Variants in ZBTB46 observed in about 807,000 individuals in gnomAD.
ZBTB46 encodes the protein zinc finger and BTB domain-containing protein 46.
In ZBTB46, 8 loss-of-function variants were observed where a neutral mutation model predicts 44.1. The ratio of observed to expected loss-of-function variants is 0.18; its 90% CI spans 0.11 to 0.33. The LOEUF (loss-of-function observed/expected upper bound fraction) is 0.33. Among genes scored for constraint, ZBTB46 ranks in the 10% least tolerant of loss-of-function variants. The probability of loss-of-function intolerance (pLI) is 1.00; values close to 1 mark genes in which losing one functional copy is unlikely to be tolerated. For synonymous variants in ZBTB46, 409 were observed against 382.3 expected, an observed-to-expected ratio of 1.07 and a Z score of -0.81; for missense variants, 651 against 847.7, an observed-to-expected ratio of 0.77 and a Z score of 2.88.
rs2092334898 is a variant in ZBTB46, at chr20:63,767,980, G to A, written c.1222+7698C>T. 4 of 985,440 alleles carry A rather than the reference G, an allele frequency of 4.1e-6. No homozygotes were observed. The highest frequency in any genetic ancestry group is 4.8e-6 in the Non-Finnish European group (4 of 829,940). 61.0% of individuals were successfully genotyped at this position (985,440 alleles called of 1,614,324 possible). ...AGCTCTCCACGCCATGAGAGGTGTC[G>A]ATCTGGAACCAGAGACAGACAAGTT... is the stretch of plus-strand genomic sequence containing the variant. On this transcript the variant is annotated intron_variant, in intron 3 of 4. Transcript: ENST00000245663. This position sits in a 1 kb window ranked among gnomAD's most constrained non-coding sequence, Gnocchi z 5.0.
In ZBTB46 at chr20:63,759,583, G is replaced by C. The variant is rs546138740; in HGVS notation, c.1223-6722C>G. Among the ~76,000 whole-genome samples the C allele has an allele frequency of 1.3e-4, 20 of 152,148 alleles. 1 individual carries two copies. The South Asian group carries it at 4.0e-3, about 30-fold the overall frequency. ...ACAAGGGGTAGGACTCAGGGAGGAG[G>C]GGGGCAAGGGAGGTTCCTGACATGA... is the stretch of plus-strand genomic sequence containing the variant. On this transcript the variant is annotated intron_variant, in intron 3 of 4. Coordinates refer to ENST00000245663, the MANE Select transcript of ZBTB46 (RefSeq NM_001369741.1).
At chr20:63,799,078 T>C (rs1459833383) in intron 1 of ZBTB46, among the ~76,000 whole-genome samples, 2 of 151,842 alleles carry the variant, frequency 1.3e-5, no homozygotes, top group Non-Finnish European at 2.9e-5. Context: ...TCACCCAGGC[T>C]GGAGTGCAGT....
At chr20:63,831,053 A>C in intron 1 of ZBTB46, 44 bp downstream of exon 1, 2 of 136,226 alleles carry the variant, frequency 1.5e-5, no homozygotes, top group South Asian at 2.4e-4. Flanking sequence ...CCCCGCCGCG[A>C]TGCGCCCGCC....
At chr20:63,769,224 C>T in intron 3 of ZBTB46, 1 of 985,400 alleles carries the variant, frequency 1.0e-6, no homozygotes, top group Non-Finnish European at 1.2e-6. Context: ...TTGCCCCAGA[C>T]AAAGCTGGCC....
At chr20:63,759,688 T>C (rs2092256473) in intron 3 of ZBTB46, among the ~76,000 whole-genome samples, 1 of 152,174 alleles carries the variant, frequency 6.6e-6, no homozygotes, top group Non-Finnish European at 1.5e-5. Context: ...CAACTCTGAA[T>C]ATAAGTGGTG....
rs1052388030 is a variant in ZBTB46 at position 63,770,722 on chromosome 20, T to C, written c.1222+4956A>G. 2.6e-5 allele frequency among the ~76,000 whole-genome samples: 4 copies of C among 152,220 alleles called. No individual in the cohort carries two copies. In the South Asian group the frequency reaches 6.2e-4, roughly 24 times the overall value. ...ACGCTGTTTGTTGAACCACGGCGCA[T>C]TCATGACGAGGAGAACTGGGCAGGC... On this transcript the variant is annotated intron_variant, in intron 3 of 4. Transcript: ENST00000245663.
chr20:63,781,334 C>T (rs1448084533), intron 2 of ZBTB46, among the ~76,000 whole-genome samples: 1 of 152,040 alleles, frequency 6.6e-6, no homozygotes, highest in African/African-American at 2.4e-5. Context: ...AGCAGGTGCC[C>T]GATGCTCATC....
At chr20:63,817,770 G>T (rs1178634830) in intron 1 of ZBTB46, among the ~76,000 whole-genome samples, 1 of 151,390 alleles carries the variant, frequency 6.6e-6, no homozygotes, top group Non-Finnish European at 1.5e-5. Context: ...CTGGACACCC[G>T]CAGGGGAGAC....
Position 63,749,036 on chromosome 20 carries a change from C to G in ZBTB46, c.1399-1735G>C, listed in dbSNP as rs547172941. ...GACAGGCCACCCAGCACGGCCCGAC[C>G]TCCCCTTCTAGACCCGCTTCCTTGA... On this transcript the variant is annotated intron_variant, in intron 4 of 4. Transcript: ENST00000245663. Among the ~76,000 whole-genome samples the G allele has an allele frequency of 2.0e-5, 3 of 152,380 alleles. No individual in the cohort carries two copies. In the South Asian group the frequency reaches 6.2e-4, roughly 32 times the overall value.
intron 1 of ZBTB46, among the ~76,000 whole-genome samples, chr20:63,797,192 C>T (rs972157184): frequency 2.8e-5 from 4 of 143,630 alleles, no homozygotes; most frequent in African/African-American, 1.0e-4. Context: ...GGTGTGTTCC[C>T]CACCCTGTGT....
At chr20:63,790,955 G>A (rs927850182) in intron 1 of ZBTB46, 165 bp from the exon 2 acceptor site, 15 of 993,190 alleles carry the variant, frequency 1.5e-5, no homozygotes, top group South Asian at 1.1e-4. Context: ...CTGTGTCTCC[G>A]CCTGAAGCAG....
chr20:63,793,059 G>A (rs182139498), intron 1 of ZBTB46, among the ~76,000 whole-genome samples: 20 of 152,234 alleles, frequency 1.3e-4, no homozygotes, highest in South Asian at 2.1e-4. Flanking sequence ...GGGCTGTGAC[G>A]GCGGTGACCG....
intron 1 of ZBTB46, among the ~76,000 whole-genome samples, chr20:63,822,267 C>T (rs1318835679): frequency 6.6e-6 from 1 of 152,202 alleles, no homozygotes; most frequent in Non-Finnish European, 1.5e-5. Flanking sequence ...GAATAAACGA[C>T]GGGACACACG....
chr20:63,787,060 TTACCCGCAGG>T lies in ZBTB46; in HGVS notation c.937+2751_937+2760del, dbSNP rs2092522123. On this transcript the variant is annotated intron_variant, in intron 2 of 4. Coordinates refer to ENST00000245663, the MANE Select transcript of ZBTB46 (RefSeq NM_001369741.1). The surrounding 1 kb of genome is among the most constrained non-coding windows in gnomAD (Gnocchi z 4.6). ...ACATTGTGTCAAAGTAGAACAGCAT[TTACCCGCAGG>T]TGGGGTAGAGGCAAGAGGAAGGTAC... is the stretch of plus-strand genomic sequence containing the variant. Among the ~76,000 whole-genome samples the T allele has an allele frequency of 1.3e-5, 2 of 152,244 alleles. No individual in the cohort carries two copies. The highest frequency in any genetic ancestry group is 4.2e-4 in the South Asian group (2 of 4,814).
At chr20:63,757,368 C>A (rs2092229991) in intron 3 of ZBTB46, among the ~76,000 whole-genome samples, 1 of 152,168 alleles carries the variant, frequency 6.6e-6, no homozygotes, top group Non-Finnish European at 1.5e-5. Flanking sequence ...GGTGATCCAC[C>A]CGCCTCGGCC....
chr20:63,782,307 C>G (rs1299698243), intron 2 of ZBTB46, among the ~76,000 whole-genome samples: 1 of 152,010 alleles, frequency 6.6e-6, no homozygotes, highest in Non-Finnish European at 1.5e-5. Flanking sequence ...TAAACGGACC[C>G]ACCAGGGCCC....
At chr20:63,822,934 G>A (rs1393075979) in intron 1 of ZBTB46, among the ~76,000 whole-genome samples, 1 of 109,224 alleles carries the variant, frequency 9.2e-6, no homozygotes, top group African/African-American at 4.0e-5. Context: ...GCCGAGACGG[G>A]TGGATCACTT....
intron 3 of ZBTB46, 200 bp downstream of exon 3, chr20:63,775,478 C>T: frequency 1.6e-6 from 1 of 633,784 alleles, no homozygotes; most frequent in East Asian, 3.0e-5. Context: ...TCCCTCCTCA[C>T]TCTAAAGCCA....
At chr20:63,796,849 T>A (rs997115335) in intron 1 of ZBTB46, among the ~76,000 whole-genome samples, 2 of 151,656 alleles carry the variant, frequency 1.3e-5, no homozygotes, top group Non-Finnish European at 2.9e-5. Context: ...AAAATAAAAA[T>A]AAAATAAAAT....
Sources: gnomAD v4.1 joint callset for allele counts (sites outside exome capture counted in the v4.1 genomes callset) on GRCh38, gnomAD v4.1.1 for gene constraint, Gnocchi (gnomAD v3.1) non-coding constraint, MANE v1.5 for transcripts, NCBI Gene and HGNC (gene_info 2026-07-23, HGNC 2026-07-21) for gene names.